SPAG16: variants seen among roughly 807,000 people sequenced by gnomAD.
SPAG16 encodes sperm-associated antigen 16 protein.
SPAG16 carries 86 observed loss-of-function variants against 80.4 expected under a neutral mutation model. The ratio of observed to expected loss-of-function variants is 1.07; its 90% CI spans 0.90 to 1.28. The LOEUF (loss-of-function observed/expected upper bound fraction) is 1.28. Among genes scored for constraint, SPAG16 ranks in the 50% most tolerant of loss-of-function variants. The pLI is 0.00. For synonymous variants in SPAG16, 294 were observed against 265.9 expected (o/e 1.11, Z -1.03); for missense variants, 870 against 765.3 (o/e 1.14, Z -1.61).
chr2:213,886,740 G>GA (rs1006786255), intron 11 of SPAG16, among the ~76,000 whole-genome samples: 37 of 146,516 alleles, frequency 2.5e-4, no homozygotes, highest in East Asian at 6.0e-4. Flanking sequence ...AACCGTTTAT[G>GA]AAAAAAAAAA....
intron 14 of SPAG16, among the ~76,000 whole-genome samples, chr2:214,147,739 T>A (rs1284292279): frequency 6.6e-6 from 1 of 152,184 alleles, no homozygotes; most frequent in African/African-American, 2.4e-5. Context: ...AGATTAAGCA[T>A]CTCATTTATT....
At chr2:213,996,465 C>T (rs1041643003) in intron 12 of SPAG16, among the ~76,000 whole-genome samples, 3 of 151,832 alleles carry the variant, frequency 2.0e-5, no homozygotes, top group African/African-American at 7.3e-5. Context: ...AGCCACTGTA[C>T]TCAGTTATAG....
chr2:213,563,914 T>C (rs2059676202), intron 10 of SPAG16, among the ~76,000 whole-genome samples: 1 of 152,182 alleles, frequency 6.6e-6, no homozygotes, highest in African/African-American at 2.4e-5. Context: ...GTGCCATATA[T>C]GTGGAAAAAC....
intron 11 of SPAG16, among the ~76,000 whole-genome samples, chr2:213,879,410 C>T (rs549542449): frequency 5.4e-4 from 80 of 149,160 alleles, no homozygotes; most frequent in Middle Eastern, 6.9e-3. Flanking sequence ...TATACATATA[C>T]ACACACACAC....
chr2:213,704,436 C>A (rs1291153166), intron 10 of SPAG16, among the ~76,000 whole-genome samples: 1 of 152,106 alleles, frequency 6.6e-6, no homozygotes, highest in Non-Finnish European at 1.5e-5. Context: ...GAACTGGGGT[C>A]TACACAGAGT....
intron 10 of SPAG16, among the ~76,000 whole-genome samples, chr2:213,727,636 G>T (rs2066829485): frequency 6.6e-6 from 1 of 152,150 alleles, no homozygotes; most frequent in Non-Finnish European, 1.5e-5. Context: ...ATGAGAAAAG[G>T]AGTGTTGGGA....
At chr2:213,824,427 A>C (rs2073143808) in intron 10 of SPAG16, among the ~76,000 whole-genome samples, 1 of 152,220 alleles carries the variant, frequency 6.6e-6, no homozygotes, top group South Asian at 2.1e-4. Flanking sequence ...TTATGGCAAG[A>C]GATAGTGGCC....
At chr2:213,508,025 C>T (rs892088947) in intron 10 of SPAG16, among the ~76,000 whole-genome samples, 3 of 152,204 alleles carry the variant, frequency 2.0e-5, no homozygotes, top group African/African-American at 7.2e-5. Context: ...ATAGCCATCA[C>T]ATTGTATGCT....
intron 12 of SPAG16, among the ~76,000 whole-genome samples, chr2:214,000,401 G>A (rs900274910): frequency 3.3e-5 from 5 of 152,122 alleles, no homozygotes; most frequent in African/African-American, 1.2e-4. Flanking sequence ...GGAACTGTAA[G>A]TCCAATGAAA....
At chr2:214,199,699 C>A (rs181665859) in intron 15 of SPAG16, among the ~76,000 whole-genome samples, 125 of 152,244 alleles carry the variant, frequency 8.2e-4, no homozygotes, top group Non-Finnish European at 4.0e-4. Flanking sequence ...GCAGTATGGT[C>A]ATTTTCACAA....
rs1382039959 is a variant in SPAG16 at position 213,996,187 on chromosome 2, TA to T, written c.1401-17761del. On this transcript the variant is annotated intron_variant, in intron 12 of 15. Transcript: ENST00000331683. ...GTATAAATGCAAATTAGTATTTCAA[TA>T]AATTATACTACCATTGAGGAAGAAT... Among the ~76,000 whole-genome samples the T allele has an allele frequency of 3.3e-5, 5 of 152,212 alleles. No homozygotes were observed. The East Asian group carries it at 9.6e-4, about 29-fold the overall frequency.
chr2:214,338,133 T>A (rs1271139636), intron 15 of SPAG16, among the ~76,000 whole-genome samples: 6 of 152,154 alleles, frequency 3.9e-5, no homozygotes, highest in African/African-American at 1.4e-4. Context: ...CCACTACAAA[T>A]AGGGAGGAAA....
chr2:214,363,250 C>T (rs953485361), intron 15 of SPAG16, among the ~76,000 whole-genome samples: 9 of 151,960 alleles, frequency 5.9e-5, no homozygotes, highest in African/African-American at 2.2e-4. Flanking sequence ...TCATTCATGA[C>T]TCCAACCACT....
chr2:214,071,200 T>G (rs1027634273), intron 13 of SPAG16, among the ~76,000 whole-genome samples: 1 of 152,100 alleles, frequency 6.6e-6, no homozygotes, highest in Non-Finnish European at 1.5e-5. Context: ...ATCTCAGGAA[T>G]ATAGTTATAC....
At chr2:213,813,167 C>T (rs2072287457) in intron 10 of SPAG16, among the ~76,000 whole-genome samples, 1 of 151,830 alleles carries the variant, frequency 6.6e-6, no homozygotes, top group African/African-American at 2.4e-5. Flanking sequence ...GAACTGAAGT[C>T]ACAAAAAAAT....
At chr2:213,891,757 T>G (rs1043387954) in intron 11 of SPAG16, among the ~76,000 whole-genome samples, 1 of 152,014 alleles carries the variant, frequency 6.6e-6, no homozygotes, top group African/African-American at 2.4e-5. Flanking sequence ...TATTAATAAC[T>G]CTAAGGAGAT....
At chr2:213,804,440 T>C (rs1347480112) in intron 10 of SPAG16, among the ~76,000 whole-genome samples, 1 of 152,090 alleles carries the variant, frequency 6.6e-6, no homozygotes, top group Admixed American at 6.6e-5. Context: ...TCCCAGCACT[T>C]TGGGAGGCCG....
At chr2:213,969,388 C>T (rs151066340) in intron 12 of SPAG16, among the ~76,000 whole-genome samples, 39 of 152,136 alleles carry the variant, frequency 2.6e-4, no homozygotes, top group African/African-American at 7.2e-4. Flanking sequence ...GTTGGTGTTC[C>T]CTCCAAAATT....
chr2:214,404,973 CAG>C (rs1251460878), intron 15 of SPAG16, among the ~76,000 whole-genome samples: 1 of 151,946 alleles, frequency 6.6e-6, no homozygotes, highest in Admixed American at 6.6e-5. Context: ...ATTTTAGTTT[CAG>C]AGTTTCACAA....
Sources: gnomAD v4.1 joint callset for allele counts (sites outside exome capture counted in the v4.1 genomes callset) on GRCh38, gnomAD v4.1.1 for gene constraint, MANE v1.5 for transcripts, NCBI Gene and HGNC (gene_info 2026-07-23, HGNC 2026-07-21) for gene names.